Variants in TP53BP1 observed in about 807,000 individuals in gnomAD.
The protein encoded by TP53BP1 is TP53-binding protein 1.
In TP53BP1, 61 loss-of-function variants were observed where a neutral mutation model predicts 200.8. That is an observed-to-expected ratio of 0.30 (90% confidence interval 0.25 to 0.38). The LOEUF (loss-of-function observed/expected upper bound fraction) is 0.38. Ranked by LOEUF, TP53BP1 falls within the 10% of genes least tolerant of loss-of-function variation. TP53BP1 has a pLI of 1.00. For missense variants in TP53BP1, 2,144 were observed against 2,371.9 expected, an observed-to-expected ratio of 0.90 and a Z score of 2.00; for synonymous variants, 822 against 844.3, an observed-to-expected ratio of 0.97 and a Z score of 0.46.
chr15:43,462,260 A>C (rs1426372389), intron 11 of TP53BP1, among the ~76,000 whole-genome samples: 2 of 128,200 alleles, frequency 1.6e-5, no homozygotes, highest in African/African-American at 2.9e-5. Flanking sequence ...AAAAGCTAAG[A>C]GTTGTTATTT....
rs1462983524 is a variant in TP53BP1, at chr15:43,510,512, A to AC, written c.-152_-151insG. On this transcript the variant is annotated 5_prime_UTR_variant, in exon 1 of 28. Transcript: ENST00000263801. ...CCAGGCAGGCAGTGACAAAAAACAA[A>AC]AAAAAAAAAAAACACGCCAAACAAC... 1.5e-3 allele frequency: 233 copies of AC among 154,188 alleles called. 1 individual carries two copies. The highest frequency in any genetic ancestry group is 1.3e-3 in the African/African-American group (52 of 41,130). The allele number at this position is 154,188 out of a possible 1,614,324, so 9.6% of individuals were successfully genotyped here.
Position 43,457,103 on chromosome 15 carries a change from G to C in TP53BP1, c.1505C>G (p.Pro502Arg). Residue 502 changes from proline (P) to arginine (R), a missense_variant, in exon 12 of 28, where the codon CCA (proline) becomes CGA (arginine). Physicochemically the swap from Pro to Arg is moderately radical, Grantham distance 103. Coordinates refer to ENST00000382044, the MANE Select transcript of TP53BP1 (RefSeq NM_001141980.3). The part of the protein sequence containing the change: ...VECSKTSEIE[P>R]KNSPEDLGLS... The stretch of plus-strand genomic sequence containing the variant: ...CCCAAGATCCTCAGGGGAATTCTTT[G>C]GTTCAATCTCTGAAGTTTTAGAACA... The C allele has an allele frequency of 6.2e-7, 1 of 1,614,050 alleles. No individual in the cohort carries two copies. The highest frequency in any genetic ancestry group is 8.5e-7 in the Non-Finnish European group (1 of 1,180,000).
intron 18 of TP53BP1, among the ~76,000 whole-genome samples, chr15:43,427,238 A>C (rs1330540076): frequency 6.6e-6 from 1 of 152,226 alleles, no homozygotes; most frequent in Non-Finnish European, 1.5e-5. Context: ...TAATGAGTCT[A>C]TAATGAATCC....
At position 43,420,693 on chromosome 15, in the gene TP53BP1, T is replaced by A. The variant is rs756973594; in HGVS notation, c.4293A>T (p.Ser1431=). 1.9e-6 allele frequency: 3 copies of A among 1,614,112 alleles called. No individual in the cohort carries two copies. The highest frequency in any genetic ancestry group is 1.7e-6 in the Non-Finnish European group (2 of 1,180,012). ...VPGPLGIEDI[S]PNLSPDDKSF... is the part of the protein sequence containing the mutation. ...ATTTATCATCTGGTGACAAGTTAGG[T>A]GAAATGTCCTCTATGCCCAAGGGGC... The change falls in exon 21 of 28, where the codon TCA becomes TCT. Residue 1431 remains serine (S), a synonymous_variant. Transcript: ENST00000382044.
intron 21 of TP53BP1, among the ~76,000 whole-genome samples, chr15:43,417,775 G>C (rs2045301453): frequency 1.3e-5 from 2 of 152,162 alleles, no homozygotes; most frequent in Admixed American, 1.3e-4. Flanking sequence ...AGCTAACAAT[G>C]TTATCCAGAA....
At chr15:43,496,468 C>G (rs920573382), upstream of TP53BP1, among the ~76,000 whole-genome samples, 1 of 152,110 alleles carries the variant, frequency 6.6e-6, no homozygotes, top group South Asian at 2.1e-4. Flanking sequence ...GAACCCTAGC[C>G]CAGCTTATTC....
chr15:43,438,517 C>A, intron 15 of TP53BP1, 101 bp from the exon 16 acceptor site: 2 of 953,600 alleles, frequency 2.1e-6, no homozygotes, highest in Non-Finnish European at 1.5e-6. Context: ...GCTTTCTCTG[C>A]ATATCAAACT....
In TP53BP1 at chr15:43,447,488, G is replaced by GAAAAAAAAAA; in HGVS notation, c.2717-13_2717-4dup. On this transcript the variant is annotated splice_region_variant and splice_polypyrimidine_tract_variant and intron_variant, in intron 12 of 27. Transcript: ENST00000382044. ...CAAAGTGAAATGAAATGGGGTTTCT[G>GAAAAAAAAAA]AAAAAAAAAAAAAAAAGAAAAAAGA... The GAAAAAAAAAA allele has an allele frequency of 1.4e-5, 13 of 954,456 alleles. No individual in the cohort carries two copies. The South Asian group carries it at 1.5e-4, about 11-fold the overall frequency. The allele number at this position is 954,456 out of a possible 1,614,324, so 59.1% of individuals were successfully genotyped here. A position where few individuals can be genotyped will look rare whatever the true frequency, so the allele number is the denominator to read the frequency against.
chr15:43,448,688 C>T (rs2046097602), intron 12 of TP53BP1, among the ~76,000 whole-genome samples: 1 of 152,008 alleles, frequency 6.6e-6, no homozygotes, highest in South Asian at 2.1e-4. Context: ...TACAGGCGCC[C>T]TCCATCACGC....
intron 11 of TP53BP1, among the ~76,000 whole-genome samples, chr15:43,461,517 C>G (rs915657640): frequency 6.6e-6 from 1 of 151,946 alleles, no homozygotes; most frequent in Non-Finnish European, 1.5e-5. Context: ...CTCGTCCGGC[C>G]AAGATAATAA....
intron 20 of TP53BP1, 88 bp from the exon 21 acceptor site, chr15:43,420,823 G>GGA (rs754062008): frequency 2.0e-5 from 27 of 1,341,798 alleles, no homozygotes; most frequent in Non-Finnish European, 2.6e-5. Flanking sequence ...TTTGTCCATG[G>GGA]GTCTCCTCAG....
intron 10 of TP53BP1, among the ~76,000 whole-genome samples, chr15:43,470,648 G>A (rs1025055678): frequency 5.9e-5 from 9 of 152,226 alleles, no homozygotes; most frequent in East Asian, 1.9e-4. Context: ...CACTAATCCT[G>A]ACACACATTA....
intron 21 of TP53BP1, chr15:43,416,718 G>C (rs567339822): frequency 8.4e-5 from 21 of 250,272 alleles, no homozygotes; most frequent in South Asian, 1.2e-4. Flanking sequence ...TTTCCGTGAA[G>C]TGAAATGGCA....
intron 12 of TP53BP1, among the ~76,000 whole-genome samples, chr15:43,455,053 T>G (rs2046262282): frequency 6.6e-6 from 1 of 152,194 alleles, no homozygotes; most frequent in Non-Finnish European, 1.5e-5. Flanking sequence ...TAGAAAGTAA[T>G]CTACGTTTTC....
chr15:43,464,727 A>C (rs1301757717), intron 11 of TP53BP1, among the ~76,000 whole-genome samples: 1 of 151,918 alleles, frequency 6.6e-6, no homozygotes, highest in Non-Finnish European at 1.5e-5. Context: ...AACATGGAGA[A>C]ACCCCGTCTC....
rs903719278 is a variant in TP53BP1, at chr15:43,406,025, A to T, written c.*1358T>A. On this transcript the variant is annotated 3_prime_UTR_variant, in exon 28 of 28. Transcript: ENST00000382044. ...ATTGCATTCCAGCCCGGGCAACAAGAGCGAAATTCCGTCTCAAAAAAAAAA... is the reference window on the plus strand; with the variant it reads ...ATTGCATTCCAGCCCGGGCAACAAGTGCGAAATTCCGTCTCAAAAAAAAAA... 10 of 141,098 alleles carry T rather than the reference A, an allele frequency of 7.1e-5. No individual in the cohort carries two copies. The highest frequency in any genetic ancestry group is 2.7e-4 in the African/African-American group (10 of 37,604). The allele number at this position is 141,098 out of a possible 1,614,324, so 8.7% of individuals were successfully genotyped here. A position where few individuals can be genotyped will look rare whatever the true frequency, so the allele number is the denominator to read the frequency against.
chr15:43,507,167 C>T lies in TP53BP1; in HGVS notation c.-9+3203G>A, dbSNP rs576997470. On this transcript the variant is annotated intron_variant, in intron 1 of 27. Coordinates refer to the TP53BP1 transcript ENST00000263801. ...TTTTTTTTTTTGAGATGGAGTCTCA[C>T]TCTGTCACCCAGCCTGGAGTACAGT... is the stretch of plus-strand genomic sequence containing the variant. Among the ~76,000 whole-genome samples, 5 of 151,792 alleles carry T rather than the reference C, an allele frequency of 3.3e-5. No individual in the cohort carries two copies. In the South Asian group the frequency reaches 1.0e-3, roughly 31 times the overall value.
intron 21 of TP53BP1, 46 bp from the exon 22 acceptor site, chr15:43,416,462 C>T (rs554098913): frequency 6.4e-7 from 1 of 1,573,104 alleles, no homozygotes. Flanking sequence ...GTCTTAGGCT[C>T]CTTAGCACCC....
chr15:43,422,182 A>C, intron 18 of TP53BP1, 56 bp from the exon 19 acceptor site: 2 of 1,553,546 alleles, frequency 1.3e-6, no homozygotes, highest in Non-Finnish European at 1.7e-6. Flanking sequence ...CACAATGCTA[A>C]TATGATGGTT....
Sources: allele counts gnomAD v4.1 joint callset (sites outside exome capture counted in the v4.1 genomes callset), GRCh38; gene constraint gnomAD v4.1.1; transcripts MANE v1.5; gene names NCBI Gene and HGNC (gene_info 2026-07-23, HGNC 2026-07-21).